PDZRN3: variants seen among roughly 807,000 people sequenced by gnomAD.
The protein encoded by PDZRN3 is E3 ubiquitin-protein ligase PDZRN3.
In PDZRN3, 38 loss-of-function variants were observed where a neutral mutation model predicts 85.7. That is an observed-to-expected ratio of 0.44 (90% CI 0.34 to 0.58). The LOEUF (loss-of-function observed/expected upper bound fraction) is 0.58. Ranked by LOEUF, PDZRN3 falls within the 20% of genes least tolerant of loss-of-function variation. The pLI, the probability that PDZRN3 is intolerant of heterozygous loss-of-function variation, is 0.01. For missense variants in PDZRN3, 1,629 were observed against 1,506.4 expected (o/e 1.08, Z -1.35); for synonymous variants, 759 against 638.0 (o/e 1.19, Z -2.86).
chr3:73,389,718 A>G, intron 7 of PDZRN3, 98 bp downstream of exon 7: 1 of 872,674 alleles, frequency 1.1e-6, no homozygotes, highest in Non-Finnish European at 1.9e-6. Flanking sequence ...CCTGTTCTTT[A>G]ACCGCTTCTG....
chr3:73,531,477 G>C (rs1472141592), intron 3 of PDZRN3, among the ~76,000 whole-genome samples: 1 of 152,136 alleles, frequency 6.6e-6, no homozygotes, highest in Non-Finnish European at 1.5e-5. Context: ...ACTTGGGATT[G>C]TATCTATCAC....
At chr3:73,411,170 C>T (rs995494718) in intron 3 of PDZRN3, among the ~76,000 whole-genome samples, 1 of 152,092 alleles carries the variant, frequency 6.6e-6, no homozygotes, top group South Asian at 2.1e-4. Context: ...TCTGCTTTGT[C>T]GAGAATGAAA....
chr3:73,544,288 C>T (rs1050673133), intron 3 of PDZRN3, among the ~76,000 whole-genome samples: 9 of 152,208 alleles, frequency 5.9e-5, no homozygotes, highest in African/African-American at 2.2e-4. Context: ...TTATTCTACT[C>T]CCATGTCCAT....
rs140652376 is a variant in PDZRN3, at chr3:73,461,169, C to T, written c.919-56774G>A. Among the ~76,000 whole-genome samples the T allele has an allele frequency of 3.3e-5, 5 of 152,292 alleles. No individual in the cohort carries two copies. In the East Asian group the frequency reaches 9.6e-4, roughly 29 times the overall value. On this transcript the variant is annotated intron_variant, in intron 3 of 9. Transcript: ENST00000263666. ...GAACGAATGAATCAGTAGAGACCAG[C>T]ACTGTGTCTCATTTTATCATGTTAG...
chr3:73,584,635 G>C (rs1702253096), intron 3 of PDZRN3, among the ~76,000 whole-genome samples: 1 of 152,048 alleles, frequency 6.6e-6, no homozygotes, highest in Non-Finnish European at 1.5e-5. Flanking sequence ...TTCCTCTAGT[G>C]TTCTGATTTA....
intron 3 of PDZRN3, among the ~76,000 whole-genome samples, chr3:73,468,532 G>A (rs1334056659): frequency 6.6e-6 from 1 of 151,994 alleles, no homozygotes; most frequent in Admixed American, 6.6e-5. Context: ...AAGATGGCAT[G>A]AGAATGCTTA....
intron 5 of PDZRN3, among the ~76,000 whole-genome samples, chr3:73,396,248 TG>T (rs1701634500): frequency 6.6e-6 from 1 of 151,918 alleles, no homozygotes; most frequent in Non-Finnish European, 1.5e-5. Flanking sequence ...ATAATAGTAC[TG>T]GTGGCATAGG....
chr3:73,498,733 C>G (rs912169234), intron 3 of PDZRN3, among the ~76,000 whole-genome samples: 3 of 152,026 alleles, frequency 2.0e-5, no homozygotes, highest in Non-Finnish European at 4.4e-5. Flanking sequence ...TACAGGCACA[C>G]GCCACCGCGC....
chr3:73,510,310 C>T (rs747122881), intron 3 of PDZRN3, among the ~76,000 whole-genome samples: 1 of 152,184 alleles, frequency 6.6e-6, no homozygotes, highest in Non-Finnish European at 1.5e-5. Flanking sequence ...CAACCTTTTA[C>T]GTCTGGTCTT....
At chr3:73,495,828 A>G (rs1335877161) in intron 3 of PDZRN3, among the ~76,000 whole-genome samples, 1 of 152,156 alleles carries the variant, frequency 6.6e-6, no homozygotes, top group Non-Finnish European at 1.5e-5. Context: ...TCCACTTTTT[A>G]AGGATCAGAT....
At chr3:73,517,859 T>C (rs1452869463) in intron 3 of PDZRN3, among the ~76,000 whole-genome samples, 1 of 152,236 alleles carries the variant, frequency 6.6e-6, no homozygotes, top group Non-Finnish European at 1.5e-5. Flanking sequence ...TTCTTTGATG[T>C]GGGATACCAT....
At chr3:73,401,887 A>T (rs1031623981) in intron 4 of PDZRN3, 1 of 152,246 alleles carries the variant, frequency 6.6e-6, no homozygotes, top group Non-Finnish European at 1.5e-5. Flanking sequence ...ACAGCAATCA[A>T]TGGGCTCTAG....
chr3:73,555,904 T>C (rs941103667), intron 3 of PDZRN3, among the ~76,000 whole-genome samples: 4 of 152,230 alleles, frequency 2.6e-5, no homozygotes, highest in Non-Finnish European at 4.4e-5. Context: ...CACACATAAA[T>C]TCAATTGTAA....
chr3:73,505,959 A>G (rs540358721), intron 3 of PDZRN3, among the ~76,000 whole-genome samples: 21 of 152,288 alleles, frequency 1.4e-4, no homozygotes, highest in East Asian at 1.9e-4. Flanking sequence ...AAATATGACA[A>G]GTATCCCCCC....
chr3:73,425,463 G>C (rs1445146253), intron 3 of PDZRN3, among the ~76,000 whole-genome samples: 1 of 152,224 alleles, frequency 6.6e-6, no homozygotes, highest in East Asian at 1.9e-4. Flanking sequence ...TCTGATGCCA[G>C]TTCAAGTTTG....
chr3:73,511,812 C>G (rs1704170889), intron 3 of PDZRN3, among the ~76,000 whole-genome samples: 2 of 152,220 alleles, frequency 1.3e-5, no homozygotes, highest in Non-Finnish European at 2.9e-5. Context: ...GAAGTAGGGC[C>G]TTTCAGGCTG....
rs184428412 is a variant in PDZRN3, at chr3:73,555,554, G to A, written c.918+46800C>T. Among the ~76,000 whole-genome samples the A allele has an allele frequency of 2.0e-5, 3 of 152,250 alleles. No homozygotes were observed. In the East Asian group the frequency reaches 5.8e-4, roughly 29 times the overall value. On this transcript the variant is annotated intron_variant, in intron 3 of 9. Transcript: ENST00000263666. ...ATACCCTTTCCTTATGGAAAATAAG[G>A]GTTGTCTTCAGGCTTGCTCCAGTAT...
At chr3:73,444,471 C>T (rs1237517482) in intron 3 of PDZRN3, among the ~76,000 whole-genome samples, 2 of 152,216 alleles carry the variant, frequency 1.3e-5, no homozygotes, top group African/African-American at 2.4e-5. Flanking sequence ...TTCTTGAAGA[C>T]AAAAACCCCA....
At chr3:73,578,706 A>T (rs916948631) in intron 3 of PDZRN3, among the ~76,000 whole-genome samples, 2 of 152,140 alleles carry the variant, frequency 1.3e-5, no homozygotes, top group Admixed American at 1.3e-4. Flanking sequence ...TCTTATTTCA[A>T]AGATAAATTA....
Sources: gnomAD v4.1 joint callset for allele counts (sites outside exome capture counted in the v4.1 genomes callset) on GRCh38, gnomAD v4.1.1 for gene constraint, MANE v1.5 for transcripts, NCBI Gene and HGNC (gene_info 2026-07-23, HGNC 2026-07-21) for gene names.